PLCB4: variants seen among roughly 807,000 people sequenced by gnomAD.
PLCB4 encodes phospholipase C beta 4.
PLCB4 carries 77 observed loss-of-function variants against 178.8 expected under a neutral mutation model. That is an observed-to-expected ratio of 0.43 (90% confidence interval 0.36 to 0.52). The LOEUF (loss-of-function observed/expected upper bound fraction) is 0.52. Ranked by LOEUF, PLCB4 falls within the 20% of genes least tolerant of loss-of-function variation. PLCB4 has a pLI of 0.00. For missense variants in PLCB4, 1,024 were observed against 1,453.4 expected (o/e 0.70, Z 4.80); for synonymous variants, 496 against 490.8 (o/e 1.01, Z -0.14).
intron 3 of PLCB4, among the ~76,000 whole-genome samples, chr20:9,285,705 A>C (rs549360547): frequency 2.8e-4 from 42 of 152,132 alleles, no homozygotes; most frequent in African/African-American, 9.9e-4. Flanking sequence ...GGCCATAAAC[A>C]AAATAAGCAA....
At chr20:9,265,815 A>G (rs760289176) in intron 3 of PLCB4, among the ~76,000 whole-genome samples, 5 of 152,188 alleles carry the variant, frequency 3.3e-5, no homozygotes, top group Non-Finnish European at 4.4e-5. Context: ...AGTGGGTCAA[A>G]AAGCATAGTG....
intron 3 of PLCB4, among the ~76,000 whole-genome samples, chr20:9,255,299 A>G (rs2094221809): frequency 6.6e-6 from 1 of 152,206 alleles, no homozygotes; most frequent in Non-Finnish European, 1.5e-5. Context: ...TCTTCTTGTT[A>G]GCTTCTGTTC....
At chr20:9,119,622 T>C (rs1055636891) in intron 2 of PLCB4, among the ~76,000 whole-genome samples, 2 of 152,154 alleles carry the variant, frequency 1.3e-5, no homozygotes, top group Non-Finnish European at 2.9e-5. Flanking sequence ...CATCTATCTA[T>C]ATCTTCTTTG....
At chr20:9,398,800 T>C (rs542750607) in intron 19 of PLCB4, among the ~76,000 whole-genome samples, 1 of 152,030 alleles carries the variant, frequency 6.6e-6, no homozygotes, top group South Asian at 2.1e-4. Flanking sequence ...CTGAAATGGG[T>C]ATTATTACAC....
intron 7 of PLCB4, among the ~76,000 whole-genome samples, chr20:9,359,896 TG>T (rs2035171101): frequency 6.6e-6 from 1 of 152,188 alleles, no homozygotes; most frequent in South Asian, 2.1e-4. Flanking sequence ...TGACACCTGC[TG>T]GCATTTCATC....
chr20:9,450,080 G>A (rs190692191), intron 32 of PLCB4, among the ~76,000 whole-genome samples: 20 of 152,242 alleles, frequency 1.3e-4, no homozygotes, highest in Admixed American at 7.2e-4. Context: ...GATAAGAAAC[G>A]TACACAAATT....
intron 35 of PLCB4, among the ~76,000 whole-genome samples, chr20:9,468,200 A>G (rs2043928172): frequency 6.6e-6 from 1 of 152,048 alleles, no homozygotes; most frequent in Admixed American, 6.5e-5. Context: ...CTAGGTGGCC[A>G]CTGCCCCTCA....
At chr20:9,398,631 T>C (rs1304524422) in intron 19 of PLCB4, among the ~76,000 whole-genome samples, 2 of 152,086 alleles carry the variant, frequency 1.3e-5, no homozygotes, top group East Asian at 1.9e-4. Flanking sequence ...GTACCAACAG[T>C]GGACCAGGCA....
At chr20:9,447,227 A>G (rs2042466927) in intron 32 of PLCB4, among the ~76,000 whole-genome samples, 1 of 152,230 alleles carries the variant, frequency 6.6e-6, no homozygotes, top group Admixed American at 6.5e-5. Context: ...GTGACTTAAA[A>G]CAATGACCAT....
chr20:9,390,023 C>G lies in PLCB4; in HGVS notation c.1238+65C>G, dbSNP rs1241408191. On this transcript the variant is annotated intron_variant, in intron 16 of 39. Coordinates refer to ENST00000378473, the MANE Select transcript of PLCB4 (RefSeq NM_001377142.1). ...TGTTTCCTAACCCCTAATGCCCACT[C>G]CTGCTCTACAACTTTTTAAATAGCT... 2.0e-5 allele frequency: 16 copies of G among 809,836 alleles called. No homozygotes were observed. In the Admixed American group the frequency reaches 3.3e-4, roughly 17 times the overall value. 50.2% of individuals were successfully genotyped at this position (809,836 alleles called of 1,614,324 possible). A position where few individuals can be genotyped will look rare whatever the true frequency, so the allele number is the denominator to read the frequency against.
chr20:9,383,529 C>T (rs2037325140), intron 13 of PLCB4, among the ~76,000 whole-genome samples: 3 of 152,122 alleles, frequency 2.0e-5, no homozygotes, highest in Non-Finnish European at 4.4e-5. Context: ...GTAGTTACCA[C>T]GTGGGCTCTA....
chr20:9,362,214 G>A (rs888838942), intron 7 of PLCB4, among the ~76,000 whole-genome samples: 1 of 152,132 alleles, frequency 6.6e-6, no homozygotes, highest in Non-Finnish European at 1.5e-5. Flanking sequence ...TTAATTCATG[G>A]GCTGAGCTTT....
At position 9,218,688 on chromosome 20, in the gene PLCB4, C is replaced by T. The variant is rs145962782; in HGVS notation, c.-16+1236C>T. Among the ~76,000 whole-genome samples the T allele has an allele frequency of 2.3e-3, 350 of 152,266 alleles. 1 individual carries two copies. The highest frequency in any genetic ancestry group is 8.0e-3 in the African/African-American group (332 of 41,558). On this transcript the variant is annotated intron_variant, in intron 3 of 39. Coordinates refer to ENST00000378473, the MANE Select transcript of PLCB4 (RefSeq NM_001377142.1). Reference sequence around the variant, plus strand: ...CCTTTCCATGAGGGGAAGGAAGAATCGCACAACCTGACACTTCTCTAAGTG... The same window carrying T: ...CCTTTCCATGAGGGGAAGGAAGAATTGCACAACCTGACACTTCTCTAAGTG...
At position 9,347,266 on chromosome 20, in the gene PLCB4, G is replaced by A. The variant is rs148981605; in HGVS notation, c.369+8229G>A. Among the ~76,000 whole-genome samples the A allele has an allele frequency of 2.3e-3, 354 of 152,214 alleles. 5 individuals are homozygous for A. Among genetic ancestry groups the A allele is most frequent in the Admixed American group, 0.016 (251 of 15,278 alleles). On this transcript the variant is annotated intron_variant, in intron 7 of 39. Coordinates refer to ENST00000378473, the MANE Select transcript of PLCB4 (RefSeq NM_001377142.1). Reference sequence around the variant, plus strand: ...CTAGTTTTCCAACTACCAAAACATGGGCCTGAGGTTTCTAGATTGTTTTCA... The same window carrying A: ...CTAGTTTTCCAACTACCAAAACATGAGCCTGAGGTTTCTAGATTGTTTTCA...
At chr20:9,388,333 G>A (rs56035781) in intron 15 of PLCB4, among the ~76,000 whole-genome samples, 12,505 of 152,260 alleles carry the variant, frequency 0.082, 687 homozygotes, top group African/African-American at 0.15. Context: ...GCTGTCTGTC[G>A]GTTTGGTATA....
chr20:9,178,449 T>C (rs968532633), intron 2 of PLCB4, among the ~76,000 whole-genome samples: 1 of 152,058 alleles, frequency 6.6e-6, no homozygotes, highest in Non-Finnish European at 1.5e-5. Context: ...TCAGCACTTA[T>C]GTGAAGAAAA....
At chr20:9,183,501 T>G (rs2147101266) in intron 2 of PLCB4, among the ~76,000 whole-genome samples, 1 of 152,282 alleles carries the variant, frequency 6.6e-6, no homozygotes, top group Non-Finnish European at 1.5e-5. Flanking sequence ...AGCTGCTAGA[T>G]TTTTAAGTTT....
intron 30 of PLCB4, among the ~76,000 whole-genome samples, chr20:9,439,553 G>A (rs1413053903): frequency 4.6e-5 from 7 of 152,174 alleles, no homozygotes; most frequent in South Asian, 2.1e-4. Context: ...GCTGAGAAAC[G>A]TAGAGGTAGA....
intron 2 of PLCB4, among the ~76,000 whole-genome samples, chr20:9,141,114 T>C (rs372539310): frequency 1.3e-5 from 2 of 152,156 alleles, no homozygotes; most frequent in African/African-American, 4.8e-5. Context: ...AAGTGCCTGA[T>C]TAAAAGCCAA....
Sources: gnomAD v4.1 joint callset for allele counts (sites outside exome capture counted in the v4.1 genomes callset) on GRCh38, gnomAD v4.1.1 for gene constraint, MANE v1.5 for transcripts, NCBI Gene and HGNC (gene_info 2026-07-23, HGNC 2026-07-21) for gene names.